Variants in CACNA2D1 observed in about 807,000 individuals in gnomAD.
CACNA2D1 encodes calcium voltage-gated channel auxiliary subunit alpha2delta 1, also known as voltage-dependent calcium channel subunit alpha-2/delta-1.
CACNA2D1 carries 53 observed loss-of-function variants against 171.5 expected under a neutral mutation model. The observed-to-expected ratio is 0.31, with a 90% CI of 0.25 to 0.39. CACNA2D1 has a LOEUF of 0.39. Ranked by LOEUF, CACNA2D1 falls within the 10% of genes least tolerant of loss-of-function variation. CACNA2D1 has a pLI of 1.00. For synonymous variants in CACNA2D1, 442 were observed against 443.1 expected, an observed-to-expected ratio of 1.00 and a Z score of 0.03; for missense variants, 903 against 1,299.8, an observed-to-expected ratio of 0.69 and a Z score of 4.69.
At chr7:82,291,374 A>T (rs1213857408) in intron 3 of CACNA2D1, among the ~76,000 whole-genome samples, 3 of 136,958 alleles carry the variant, frequency 2.2e-5, no homozygotes, top group Admixed American at 7.7e-5. Context: ...AGATATCTTT[A>T]TACATCTATA....
intron 4 of CACNA2D1, among the ~76,000 whole-genome samples, chr7:82,141,404 G>C (rs557171502): frequency 6.6e-6 from 1 of 152,132 alleles, no homozygotes; most frequent in Admixed American, 6.5e-5. Context: ...AATGCCTTAA[G>C]TGGGTAAAAT....
chr7:82,213,516 T>C (rs1288462915), intron 3 of CACNA2D1, among the ~76,000 whole-genome samples: 1 of 152,204 alleles, frequency 6.6e-6, no homozygotes, highest in Non-Finnish European at 1.5e-5. Context: ...ACCCACTAGA[T>C]TTGAAATGCA....
chr7:82,074,311 T>C (rs753953528), intron 7 of CACNA2D1, among the ~76,000 whole-genome samples: 25 of 152,216 alleles, frequency 1.6e-4, no homozygotes, highest in Non-Finnish European at 3.2e-4. Flanking sequence ...ACTGCAACCT[T>C]TTCTTCCCAG....
intron 3 of CACNA2D1, among the ~76,000 whole-genome samples, chr7:82,202,960 T>C (rs1318645742): frequency 6.6e-6 from 1 of 152,110 alleles, no homozygotes; most frequent in Non-Finnish European, 1.5e-5. Flanking sequence ...TGAAGTACTC[T>C]TAACTTTGTG....
chr7:82,099,339 C>A (rs980222581), intron 6 of CACNA2D1, among the ~76,000 whole-genome samples: 4 of 150,878 alleles, frequency 2.7e-5, no homozygotes, highest in African/African-American at 9.7e-5. Flanking sequence ...AAATTAAAAG[C>A]CAGTACATTT....
chr7:81,998,220 G>A (rs1798246284), intron 18 of CACNA2D1, among the ~76,000 whole-genome samples: 1 of 151,914 alleles, frequency 6.6e-6, no homozygotes, highest in Admixed American at 6.6e-5. Flanking sequence ...ATAGGTATAT[G>A]TAATTTCATA....
chr7:81,995,672 G>A (rs1445245622), intron 19 of CACNA2D1, among the ~76,000 whole-genome samples: 1 of 151,852 alleles, frequency 6.6e-6, no homozygotes, highest in African/African-American at 2.4e-5. Context: ...GGTGGCAGGC[G>A]CCTGTAATCC....
chr7:81,994,547 C>T (rs1183614510), intron 20 of CACNA2D1, among the ~76,000 whole-genome samples: 3 of 151,934 alleles, frequency 2.0e-5, no homozygotes, highest in Admixed American at 2.0e-4. Flanking sequence ...TGTAAAACAA[C>T]ATGGCAACAT....
chr7:82,179,631 T>A (rs952053128), intron 3 of CACNA2D1, among the ~76,000 whole-genome samples: 2 of 152,126 alleles, frequency 1.3e-5, no homozygotes, highest in Non-Finnish European at 2.9e-5. Flanking sequence ...TATCTAGCAA[T>A]TATTTTTTAC....
chr7:82,140,726 C>A (rs1410323757), intron 4 of CACNA2D1, among the ~76,000 whole-genome samples: 2 of 151,870 alleles, frequency 1.3e-5, no homozygotes, highest in South Asian at 2.1e-4. Flanking sequence ...GAGGCCGAGG[C>A]GGGTGGATCA....
intron 18 of CACNA2D1, among the ~76,000 whole-genome samples, chr7:82,002,144 T>A (rs1039142323): frequency 2.6e-5 from 4 of 151,392 alleles, no homozygotes; most frequent in African/African-American, 9.7e-5. Context: ...AATCCTCATC[T>A]CCAGAGATGA....
intron 3 of CACNA2D1, among the ~76,000 whole-genome samples, chr7:82,297,337 A>C (rs1812426774): frequency 6.6e-6 from 1 of 152,108 alleles, no homozygotes; most frequent in African/African-American, 2.4e-5. Flanking sequence ...TGTAACATGA[A>C]TGTCTCCTGG....
chr7:82,273,148 T>A (rs1417279161), intron 3 of CACNA2D1, among the ~76,000 whole-genome samples: 3 of 152,138 alleles, frequency 2.0e-5, no homozygotes, highest in East Asian at 3.9e-4. Flanking sequence ...AAAAATAATA[T>A]CCAATATTGA....
At position 81,950,179 on chromosome 7, in the gene CACNA2D1, A is replaced by G. The variant is rs1292458354; in HGVS notation, c.*213T>C. On this transcript the variant is annotated 3_prime_UTR_variant, in exon 39 of 39. Coordinates refer to ENST00000356860, the MANE Select transcript of CACNA2D1 (RefSeq NM_000722.4). ...GATTTTGCTTTGATGTTACACATAG[A>G]TGATGCAGCATTCACACACGTTTAA... The G allele has an allele frequency of 1.3e-6, 1 of 759,430 alleles. No homozygotes were observed. Among genetic ancestry groups the G allele is most frequent in the Non-Finnish European group, 2.1e-6 (1 of 481,226 alleles). 47.0% of individuals were successfully genotyped at this position (759,430 alleles called of 1,614,324 possible).
At chr7:82,349,981 T>C (rs1819666053) in intron 1 of CACNA2D1, among the ~76,000 whole-genome samples, 1 of 152,210 alleles carries the variant, frequency 6.6e-6, no homozygotes, top group Non-Finnish European at 1.5e-5. Context: ...ACAAACTTTA[T>C]CTTTTAGCTT....
chr7:82,321,842 A>C (rs896962155), intron 3 of CACNA2D1, among the ~76,000 whole-genome samples: 3 of 152,106 alleles, frequency 2.0e-5, no homozygotes, highest in Non-Finnish European at 2.9e-5. Flanking sequence ...AAACAAGCTA[A>C]GTGGCCGGGC....
chr7:82,145,348 T>C (rs952676834), intron 4 of CACNA2D1, among the ~76,000 whole-genome samples: 44 of 144,900 alleles, frequency 3.0e-4, no homozygotes, highest in African/African-American at 1.1e-3. Context: ...ATATATAATT[T>C]ATATATTATA....
chr7:82,335,683 G>A (rs1209565241), intron 2 of CACNA2D1, among the ~76,000 whole-genome samples: 1 of 152,028 alleles, frequency 6.6e-6, no homozygotes, highest in Admixed American at 6.6e-5. Context: ...GCTACAGAAC[G>A]GAGAGAGAGA....
rs147193708 is a variant in CACNA2D1 at position 82,438,197 on chromosome 7, T to A, written c.95+5168A>T. 5.6e-3 allele frequency among the ~76,000 whole-genome samples: 856 copies of A among 152,290 alleles called. 11 individuals are homozygous for A. Among genetic ancestry groups the A allele is most frequent in the Middle Eastern group, 0.031 (9 of 294 alleles). ...GCTGGTGTTATTAAGTTAGATTTAA[T>A]CCCTGAAAACAGTTGTGGACTGACA... On this transcript the variant is annotated intron_variant, in intron 1 of 38. Transcript: ENST00000356860.
Sources: gnomAD v4.1 joint callset for allele counts (sites outside exome capture counted in the v4.1 genomes callset) on GRCh38, gnomAD v4.1.1 for gene constraint, MANE v1.5 for transcripts, NCBI Gene and HGNC (gene_info 2026-07-23, HGNC 2026-07-21) for gene names.